The following CNOT4 variants were observed in gnomAD, a reference collection of about 807,000 sequenced individuals.
CNOT4 encodes CCR4-associated factor 4.
Under a neutral mutation model 73.8 loss-of-function variants are expected in CNOT4, and 8 were observed. The ratio of observed to expected loss-of-function variants is 0.11; its 90% CI spans 0.06 to 0.20. The LOEUF (loss-of-function observed/expected upper bound fraction) is 0.20, where lower values mean the gene tolerates loss of function less well. Ranked by LOEUF, CNOT4 falls within the 10% of genes least tolerant of loss-of-function variation. The pLI, the probability that CNOT4 is intolerant of heterozygous loss-of-function variation, is 1.00. For synonymous variants in CNOT4, 293 were observed against 321.1 expected (o/e 0.91, Z 0.94); for missense variants, 564 against 883.4 (o/e 0.64, Z 4.58).
At position 135,497,245 on chromosome 7, in the gene CNOT4, C is replaced by CA. The variant is rs1164736011; in HGVS notation, c.-93+12643dup. 2.6e-5 allele frequency among the ~76,000 whole-genome samples: 4 copies of CA among 151,930 alleles called. No individual in the cohort carries two copies. The East Asian group carries it at 7.9e-4, about 30-fold the overall frequency. Reference sequence around the variant, plus strand: ...CAACACAGTGAAACCCCATCTTTACCAAAAAATACAATAATTAGCCAGGCA... The same window carrying CA: ...CAACACAGTGAAACCCCATCTTTACCAAAAAAATACAATAATTAGCCAGGCA... On this transcript the variant is annotated intron_variant, in intron 1 of 11. Transcript: ENST00000541284.
At chr7:135,390,456 AG>A (rs1371794233) in intron 10 of CNOT4, among the ~76,000 whole-genome samples, 1 of 152,164 alleles carries the variant, frequency 6.6e-6, no homozygotes, top group Non-Finnish European at 1.5e-5. Context: ...ATAAAAAAAA[AG>A]ATCTGAATGA....
chr7:135,488,287 G>C (rs1363891216), intron 1 of CNOT4, among the ~76,000 whole-genome samples: 1 of 152,188 alleles, frequency 6.6e-6, no homozygotes, highest in Non-Finnish European at 1.5e-5. Flanking sequence ...TCAGCCTCCT[G>C]AGTGGTACGA....
intron 7 of CNOT4, among the ~76,000 whole-genome samples, chr7:135,408,727 G>T (rs966522302): frequency 6.6e-6 from 1 of 152,152 alleles, no homozygotes; most frequent in Non-Finnish European, 1.5e-5. Flanking sequence ...GAGGAAACCA[G>T]AGTGCCCAGA....
chr7:135,462,239 C>T (rs1175215641), intron 1 of CNOT4, among the ~76,000 whole-genome samples: 5 of 151,116 alleles, frequency 3.3e-5, no homozygotes, highest in Non-Finnish European at 5.9e-5. Context: ...GTGTGGAGTG[C>T]TTCTAAAAAA....
chr7:135,462,968 C>T (rs1262361686), intron 1 of CNOT4, among the ~76,000 whole-genome samples: 5 of 152,182 alleles, frequency 3.3e-5, no homozygotes, highest in African/African-American at 1.2e-4. Flanking sequence ...ATCCCAGCAC[C>T]ATTTATTGGT....
chr7:135,388,022 T>C (rs1796207919), intron 10 of CNOT4: 1 of 985,370 alleles, frequency 1.0e-6, no homozygotes, highest in African/African-American at 1.7e-5. Context: ...GCTTTTCACA[T>C]ACAATGTTTA....
At chr7:135,433,193 C>T (rs1431266636) in intron 2 of CNOT4, among the ~76,000 whole-genome samples, 3 of 152,116 alleles carry the variant, frequency 2.0e-5, no homozygotes, top group Admixed American at 6.5e-5. Context: ...TTAATCTCTT[C>T]TCCCAAATAT....
intron 1 of CNOT4, among the ~76,000 whole-genome samples, chr7:135,442,842 G>C (rs2129485522): frequency 6.6e-6 from 1 of 152,132 alleles, no homozygotes; most frequent in East Asian, 1.9e-4. Flanking sequence ...AGGACTACTT[G>C]AGGCCAGGAG....
intron 1 of CNOT4, among the ~76,000 whole-genome samples, chr7:135,454,471 T>C (rs923217899): frequency 4.6e-5 from 7 of 151,270 alleles, no homozygotes; most frequent in African/African-American, 1.7e-4. Flanking sequence ...CTGGGCAATA[T>C]GGCGAAACCC....
At chr7:135,366,545 A>T (rs997729700) in intron 10 of CNOT4, among the ~76,000 whole-genome samples, 2 of 152,236 alleles carry the variant, frequency 1.3e-5, no homozygotes, top group Non-Finnish European at 2.9e-5. Context: ...TCCCAGGTGC[A>T]CTATGATTAC....
intron 7 of CNOT4, among the ~76,000 whole-genome samples, chr7:135,398,503 A>C (rs1349046376): frequency 6.6e-6 from 1 of 152,082 alleles, no homozygotes; most frequent in Non-Finnish European, 1.5e-5. Context: ...AGAGCATTTC[A>C]GAGTTCAGAT....
chr7:135,435,269 C>A (rs995084024), intron 2 of CNOT4, among the ~76,000 whole-genome samples: 8 of 152,140 alleles, frequency 5.3e-5, no homozygotes, highest in Non-Finnish European at 8.8e-5. Context: ...TCTATTAGTT[C>A]TTTGATTATT....
chr7:135,367,298 T>TTCA (rs1794966790), intron 10 of CNOT4, among the ~76,000 whole-genome samples: 1 of 152,188 alleles, frequency 6.6e-6, no homozygotes, highest in African/African-American at 2.4e-5. Flanking sequence ...GCCCACTGAC[T>TTCA]CAACCTGATG....
At chr7:135,459,346 T>C (rs892827603) in intron 1 of CNOT4, among the ~76,000 whole-genome samples, 1 of 152,168 alleles carries the variant, frequency 6.6e-6, no homozygotes, top group African/African-American at 2.4e-5. Flanking sequence ...ATTTCTGCAG[T>C]GGGACGCAGT....
chr7:135,409,955 A>G (rs1293550552), intron 7 of CNOT4, among the ~76,000 whole-genome samples: 1 of 152,142 alleles, frequency 6.6e-6, no homozygotes, highest in Non-Finnish European at 1.5e-5. Flanking sequence ...TTGACACAAT[A>G]TAGTTTACCC....
chr7:135,398,326 C>A, intron 7 of CNOT4, 100 bp from the exon 8 acceptor site: 1 of 677,836 alleles, frequency 1.5e-6, no homozygotes, highest in South Asian at 1.7e-5. Context: ...ACTTTACCAT[C>A]TTAACAAATG....
At chr7:135,406,358 C>T (rs1317986773) in intron 7 of CNOT4, among the ~76,000 whole-genome samples, 2 of 131,566 alleles carry the variant, frequency 1.5e-5, no homozygotes, top group East Asian at 4.7e-4. Flanking sequence ...AGCATGTACA[C>T]CTATGTCAAA....
chr7:135,466,293 CCAA>C (rs1006332605), intron 1 of CNOT4, among the ~76,000 whole-genome samples: 18 of 150,934 alleles, frequency 1.2e-4, no homozygotes, highest in African/African-American at 4.4e-4. Flanking sequence ...AACAACCTGT[CCAA>C]CAACATGTCT....
At chr7:135,444,596 C>T in intron 1 of CNOT4, 1 of 1,344,948 alleles carries the variant, frequency 7.4e-7, no homozygotes. Context: ...GAGTACAGCA[C>T]ATACACTTGT....
Sources: gnomAD v4.1 joint callset for allele counts (sites outside exome capture counted in the v4.1 genomes callset) on GRCh38, gnomAD v4.1.1 for gene constraint, MANE v1.5 for transcripts, NCBI Gene and HGNC (gene_info 2026-07-23, HGNC 2026-07-21) for gene names.